PTCH2: variants seen among roughly 807,000 people sequenced by gnomAD.
The protein encoded by PTCH2 is patched 2, also known as protein patched homolog 2.
PTCH2 carries 96 observed loss-of-function variants against 117.9 expected under a neutral mutation model. The observed-to-expected ratio is 0.81, with a 90% confidence interval of 0.69 to 0.96. PTCH2 has a LOEUF of 0.96. Among genes scored for constraint, PTCH2 ranks in the 50% least tolerant of loss-of-function variants. The pLI is 0.00. For synonymous variants in PTCH2, 615 were observed against 660.9 expected (o/e 0.93, Z 1.06); for missense variants, 1,379 against 1,562.5 (o/e 0.88, Z 1.98).
rs745988124 is a variant in PTCH2 at position 44,822,522 on chromosome 1, G to C, written c.3505C>G (p.Leu1169Val). Reference protein sequence around the residue: ...SMTVAIHPPPLPGAYIHPAPD... With the variant: ...SMTVAIHPPPVPGAYIHPAPD... ...GCTGGATGGATGTAGGCACCAGGCA[G>C]GGGGGGTGGGTGGATGGCCACGGTC... The change falls in exon 22 of 22, where the codon CTG becomes GTG. Residue 1169 changes from leucine to valine, a missense_variant. Physicochemically the swap from Leu to Val is conservative, Grantham distance 32. Transcript: ENST00000372192. 3 of 1,613,404 alleles carry C rather than the reference G, an allele frequency of 1.9e-6. No homozygotes were observed. The highest frequency in any genetic ancestry group is 2.7e-5 in the African/African-American group (2 of 74,880).
intron 2 of PTCH2, 88 bp from the exon 3 acceptor site, chr1:44,832,429 C>A: frequency 3.6e-6 from 5 of 1,380,954 alleles, no homozygotes; most frequent in Middle Eastern, 2.5e-4. Flanking sequence ...GAGGCCTCCC[C>A]AGACAAGTGG....
In PTCH2 at chr1:44,831,960, T is replaced by G; in HGVS notation, c.525+15A>C. On this transcript the variant is annotated intron_variant, in intron 4 of 21. Transcript: ENST00000372192. The surrounding 1 kb of genome is among the most constrained non-coding windows in gnomAD (Gnocchi z 4.3). ...CAGAAAAAGTTCTGCCTCTACTCCCTCTCAGGACACTTACCCGCTCAATCA... is the reference window on the plus strand; with the variant it reads ...CAGAAAAAGTTCTGCCTCTACTCCCGCTCAGGACACTTACCCGCTCAATCA... The G allele has an allele frequency of 6.2e-7, 1 of 1,606,024 alleles. No homozygotes were observed. Among genetic ancestry groups the G allele is most frequent in the Admixed American group, 1.7e-5 (1 of 60,010 alleles).
At chr1:44,835,322 G>T (rs1053660757) in intron 2 of PTCH2, among the ~76,000 whole-genome samples, 4 of 152,150 alleles carry the variant, frequency 2.6e-5, no homozygotes, top group African/African-American at 9.7e-5. Context: ...CTCTGAAAGT[G>T]CTGGGATTAC....
Position 44,832,166 on chromosome 1 carries a change from T to C in PTCH2, c.441A>G (p.Val147=), listed in dbSNP as rs758091595. 1.2e-6 allele frequency: 2 copies of C among 1,614,048 alleles called. No homozygotes were observed. Among genetic ancestry groups the C allele is most frequent in the East Asian group, 2.2e-5 (1 of 44,894 alleles). The part of the protein sequence containing the change: ...QAALTASKVQ[V]SLYGKSWDLN... ...GCCAGACTCACTTCCCATAGAGTGA[T>C]ACTTGGACTTTACTGGCAGTGAGGG... The change falls in exon 3 of 22, where the codon GTA becomes GTG. Residue 147 remains valine, a synonymous_variant. Coordinates refer to ENST00000372192, the MANE Select transcript of PTCH2 (RefSeq NM_003738.5).
chr1:44,828,527 C>CG lies in PTCH2; in HGVS notation c.1568dup (p.Leu524AlafsTer40), dbSNP rs750241127. 6.2e-7 allele frequency: 1 copy of CG among 1,614,086 alleles called. No individual in the cohort carries two copies. The highest frequency in any genetic ancestry group is 8.5e-7 in the Non-Finnish European group (1 of 1,180,022). ...TCACCTGTAGGGAGAAGGCTCGCAGCGCAGGGATGGGAACGAGGGCAGCCA... is the reference window on the plus strand; with the variant it reads ...TCACCTGTAGGGAGAAGGCTCGCAGCGGCAGGGATGGGAACGAGGGCAGCCA... On this transcript the variant is annotated frameshift_variant, in exon 12 of 22. Transcript: ENST00000372192. LOFTEE classifies it high-confidence loss of function.
rs767529534 is a variant in PTCH2 at position 44,829,059 on chromosome 1, C to T, written c.1387G>A (p.Ala463Thr). 6.2e-7 allele frequency: 1 copy of T among 1,609,274 alleles called. No homozygotes were observed. The highest frequency in any genetic ancestry group is 8.5e-7 in the Non-Finnish European group (1 of 1,177,752). Residue 463 changes from alanine to threonine, a missense_variant, in exon 11 of 22, where the codon GCT becomes ACT. Transcript: ENST00000372192. ...AATTQVLPFL[A>T]LGIGVDDVFL... ...ACGTCATCCACGCCGATTCCCAGAG[C>T]CAAGAAGGGCAGCACCTGGAGGGGC...
Position 44,825,231 on chromosome 1 carries a change from G to A in PTCH2, c.3114+1019C>T, listed in dbSNP as rs113050994. On this transcript the variant is annotated intron_variant, in intron 19 of 21. Transcript: ENST00000372192. Reference sequence around the variant, plus strand: ...GGCTCATGGCAACCTCCACCCTCCCGGGTTCAAGTGATTCTCCTGCCTCAG... The same window carrying A: ...GGCTCATGGCAACCTCCACCCTCCCAGGTTCAAGTGATTCTCCTGCCTCAG... Among the ~76,000 whole-genome samples, 394 of 151,496 alleles carry A rather than the reference G, an allele frequency of 2.6e-3. 2 individuals carry two copies. Among genetic ancestry groups the A allele is most frequent in the African/African-American group, 8.9e-3 (368 of 41,250 alleles).
chr1:44,821,123 G>T (rs1652891817), downstream of PTCH2, among the ~76,000 whole-genome samples: 2 of 152,090 alleles, frequency 1.3e-5, no homozygotes, highest in African/African-American at 4.8e-5. Context: ...GTGGGTGGTT[G>T]GAGCCCAGGG....
Position 44,831,763 on chromosome 1 carries a change from G to A in PTCH2, c.560C>T (p.Thr187Ile), listed in dbSNP as rs2148879766. The A allele has an allele frequency of 6.3e-7, 1 of 1,589,876 alleles. No homozygotes were observed. Among genetic ancestry groups the A allele is most frequent in the Admixed American group, 1.8e-5 (1 of 55,672 alleles). ...IEKLFPCVILTPLDCFWEGAK... is the reference protein window; with the variant it reads ...IEKLFPCVILIPLDCFWEGAK... ...TCCCTCCCAGAAGCAGTCGAGGGGG[G>A]TGAGGATCACGCACGGAAACAGCTT... Residue 187 changes from threonine (T) to isoleucine (I), a missense_variant, in exon 5 of 22, where the codon ACC becomes ATC. Transcript: ENST00000372192. The surrounding 1 kb of genome is among the most constrained non-coding windows in gnomAD (Gnocchi z 4.3).
intron 2 of PTCH2, among the ~76,000 whole-genome samples, chr1:44,839,346 A>G (rs968066054): frequency 1.5e-5 from 2 of 135,454 alleles, no homozygotes; most frequent in African/African-American, 5.6e-5. Flanking sequence ...TGGGCAACAG[A>G]GCAAGACTTA....
intron 13 of PTCH2, 25 bp downstream of exon 13, chr1:44,828,271 G>A (rs1209069218): frequency 6.2e-7 from 1 of 1,613,456 alleles, no homozygotes. Context: ...GTCACGGGAG[G>A]AAGGGGCTGG....
rs368434333 is a variant in PTCH2, at chr1:44,827,511, G to T, written c.2262C>A (p.Arg754=). The T allele has an allele frequency of 1.2e-6, 2 of 1,613,980 alleles. No homozygotes were observed. The highest frequency in any genetic ancestry group is 2.7e-5 in the African/African-American group (2 of 74,910). ...QGGFDYAHSQ[R]ALFDLHQRFS... is the part of the protein sequence containing the mutation. ...AGCGCTGGTGCAGATCAAAGAGGGC[G>T]CGTTGGGAGTGGGCGTAGTCAAAGC... is the stretch of plus-strand genomic sequence containing the variant. The change falls in exon 15 of 22, where the codon CGC becomes CGA. Residue 754 remains arginine (R), a synonymous_variant. Coordinates refer to ENST00000372192, the MANE Select transcript of PTCH2 (RefSeq NM_003738.5).
Position 44,827,021 on chromosome 1 carries a change from C to T in PTCH2, c.2576G>A (p.Gly859Glu), listed in dbSNP as rs758057114. ...GTCACTGCTCACCCACACGGTCAGC[C>T]CCATGTAGAAGAGCTCGGGTGGAAT... ...GLIPPELFYMGLTVWVSSDPL... is the reference protein window; with the variant it reads ...GLIPPELFYMELTVWVSSDPL... The change falls in exon 17 of 22, where the codon GGG becomes GAG. Residue 859 changes from glycine (G) to glutamate (E), a missense_variant. Transcript: ENST00000372192. 3.1e-6 allele frequency: 5 copies of T among 1,613,986 alleles called. No homozygotes were observed. Among genetic ancestry groups the T allele is most frequent in the East Asian group, 4.5e-5 (2 of 44,890 alleles).
Position 44,822,604 on chromosome 1 carries a change from A to G in PTCH2, c.3423T>C (p.Leu1141=). ...GCAGGGAGGAGGATGCCCCCCACCT[A>G]AGCCCGCCTCCCTGTGGAGCTGGTG... ...LSPPAPQGGG[L]RWGASSSLPQ... The change falls in exon 22 of 22, where the codon CTT becomes CTC. Residue 1141 remains leucine, a synonymous_variant. Transcript: ENST00000372192. The G allele has an allele frequency of 6.2e-7, 1 of 1,613,862 alleles. No homozygotes were observed. Among genetic ancestry groups the G allele is most frequent in the Non-Finnish European group, 8.5e-7 (1 of 1,179,920 alleles).
chr1:44,841,089 G>C (rs1391878377), intron 2 of PTCH2, among the ~76,000 whole-genome samples: 1 of 149,016 alleles, frequency 6.7e-6, no homozygotes, highest in Non-Finnish European at 1.5e-5. Flanking sequence ...AGAATCACTT[G>C]AACCCGGGAA....
At position 44,822,464 on chromosome 1, in the gene PTCH2, G is replaced by A; in HGVS notation, c.3563C>T (p.Thr1188Ile). The A allele has an allele frequency of 6.2e-7, 1 of 1,613,988 alleles. No homozygotes were observed. Among genetic ancestry groups the A allele is most frequent in the Non-Finnish European group, 8.5e-7 (1 of 1,179,988 alleles). Residue 1188 changes from threonine (T) to isoleucine (I), a missense_variant, in exon 22 of 22, where the codon ACT becomes ATT. Thr to Ile is a moderately conservative substitution (Grantham distance 89, BLOSUM62 -1). Transcript: ENST00000372192. ...PDEPPWSPAA[T>I]SSGNLSSRGP... is the part of the protein sequence containing the mutation. ...CCTGGAACTGAGGTTGCCAGAGCTA[G>A]TGGCAGCAGGGGACCAAGGGGGCTC...
downstream of PTCH2, chr1:44,820,476 C>T (rs866542297): frequency 8.8e-6 from 6 of 684,510 alleles, no homozygotes; most frequent in Middle Eastern, 9.3e-4. Context: ...TGGGACCTCA[C>T]AGGAGGCACG....
Position 44,828,532 on chromosome 1 carries a change from G to A in PTCH2, c.1564C>T (p.Pro522Ser), listed in dbSNP as rs1222890965. ...TGTAGGGAGAAGGCTCGCAGCGCAGGGATGGGAACGAGGGCAGCCATGAGG... is the reference window on the plus strand; with the variant it reads ...TGTAGGGAGAAGGCTCGCAGCGCAGAGATGGGAACGAGGGCAGCCATGAGG... Reference protein sequence around the residue: ...AFLMAALVPIPALRAFSLQAA... With the variant: ...AFLMAALVPISALRAFSLQAA... The change falls in exon 12 of 22, where the codon CCT becomes TCT. Residue 522 changes from proline to serine, a missense_variant. Physicochemically the swap from Pro to Ser is moderately conservative, Grantham distance 74. Transcript: ENST00000372192. The A allele has an allele frequency of 6.2e-7, 1 of 1,614,138 alleles. No homozygotes were observed. The highest frequency in any genetic ancestry group is 1.7e-5 in the Admixed American group (1 of 60,020).
downstream of PTCH2, chr1:44,821,838 A>G (rs965895371): frequency 1.2e-5 from 16 of 1,364,748 alleles, no homozygotes; most frequent in Non-Finnish European, 1.6e-5. Context: ...AGAGAAGCTA[A>G]TACCTCAGGT....
Sources: allele counts gnomAD v4.1 joint callset (sites outside exome capture counted in the v4.1 genomes callset), GRCh38; gene constraint gnomAD v4.1.1; non-coding constraint Gnocchi (gnomAD v3.1); transcripts MANE v1.5; gene names NCBI Gene and HGNC (gene_info 2026-07-23, HGNC 2026-07-21).